The following PI4KA variants were observed in gnomAD, a reference collection of about 807,000 sequenced individuals.
The protein encoded by PI4KA is phosphatidylinositol 4-kinase alpha.
Under a neutral mutation model 271.4 loss-of-function variants are expected in PI4KA, and 122 were observed. The observed-to-expected ratio is 0.45, with a 90% confidence interval of 0.39 to 0.52. The LOEUF (loss-of-function observed/expected upper bound fraction) is 0.52, where lower values mean the gene tolerates loss of function less well. PI4KA is among the 20% of genes least tolerant of loss of function. The pLI is 0.00. For missense variants in PI4KA, 1,969 were observed against 2,769.1 expected (o/e 0.71, Z 6.48); for synonymous variants, 1,041 against 1,078.8 (o/e 0.96, Z 0.69).
At chr22:20,752,130 TG>T (rs1296810474) in intron 25 of PI4KA, among the ~76,000 whole-genome samples, 2 of 152,182 alleles carry the variant, frequency 1.3e-5, no homozygotes, top group Admixed American at 1.3e-4. Flanking sequence ...CCTGACACCC[TG>T]GGGTAAGACA....
chr22:20,712,161 G>A (rs1465183137), intron 50 of PI4KA, among the ~76,000 whole-genome samples: 4 of 151,744 alleles, frequency 2.6e-5, no homozygotes, highest in South Asian at 2.1e-4. Flanking sequence ...GGGTTCAAGC[G>A]ATTCTCCTGC....
chr22:20,711,255 T>A, intron 51 of PI4KA, 86 bp downstream of exon 51: 1 of 868,342 alleles, frequency 1.2e-6, no homozygotes, highest in Non-Finnish European at 1.8e-6. Flanking sequence ...GTCCTGGGCA[T>A]TCTCCTCTCT....
chr22:20,711,064 C>A, intron 51 of PI4KA: 1 of 591,634 alleles, frequency 1.7e-6, no homozygotes, highest in East Asian at 2.9e-5. Context: ...GAGGAAGGAG[C>A]CAAGCTGGGG....
chr22:20,836,490 G>A (rs1924885707), intron 2 of PI4KA, among the ~76,000 whole-genome samples: 1 of 152,228 alleles, frequency 6.6e-6, no homozygotes, highest in African/African-American at 2.4e-5. Context: ...CTCCTGCAGA[G>A]GAAGTGGCTC....
intron 54 of PI4KA, among the ~76,000 whole-genome samples, chr22:20,709,066 ACGAG>A (rs1249688854): frequency 6.7e-6 from 1 of 148,892 alleles, no homozygotes; most frequent in African/African-American, 2.5e-5. Context: ...CTTCGGCCTC[ACGAG>A]CCCTGCCCAG....
chr22:20,844,755 ATTATC>A (rs1926036768), intron 1 of PI4KA, among the ~76,000 whole-genome samples: 2 of 152,186 alleles, frequency 1.3e-5, no homozygotes, highest in Admixed American at 6.5e-5. Flanking sequence ...GTTCATCTAT[ATTATC>A]TTATTTAATC....
intron 19 of PI4KA, chr22:20,779,841 G>T: frequency 6.2e-7 from 1 of 1,614,204 alleles, no homozygotes; most frequent in South Asian, 1.1e-5. Flanking sequence ...CCATGAACAA[G>T]TGCACTCGAT....
intron 23 of PI4KA, among the ~76,000 whole-genome samples, chr22:20,754,009 G>A (rs1472068560): frequency 1.3e-5 from 2 of 151,788 alleles, no homozygotes; most frequent in African/African-American, 2.4e-5. Context: ...TCTGCATCAC[G>A]TAAGTGGTAT....
Position 20,813,410 on chromosome 22 carries a change from G to T in PI4KA, c.953C>A (p.Thr318Lys). The T allele has an allele frequency of 6.2e-7, 1 of 1,613,474 alleles. No homozygotes were observed. The highest frequency in any genetic ancestry group is 8.5e-7 in the Non-Finnish European group (1 of 1,179,456). Reference sequence around the variant, plus strand: ...CAATGGAATGTTAAACTCCTTATATGTGACACCGTTGAAAAGGGGAGAGAC... The same window carrying T: ...CAATGGAATGTTAAACTCCTTATATTTGACACCGTTGAAAAGGGGAGAGAC... ...FSVSPLFNGV[T>K]YKEFNIPLEM... The change falls in exon 8 of 55, where the codon ACA (threonine) becomes AAA (lysine). Residue 318 changes from threonine (T) to lysine (K), a missense_variant. Around this residue, in one of 13 missense-constraint regions of PI4KA, gnomAD observed 540 missense variants for 555.5 expected, o/e 0.97. Coordinates refer to ENST00000255882, the MANE Select transcript of PI4KA (RefSeq NM_058004.4).
chr22:20,719,151 G>C (rs1402921698), intron 43 of PI4KA, among the ~76,000 whole-genome samples: 1 of 151,878 alleles, frequency 6.6e-6, no homozygotes, highest in Admixed American at 6.6e-5. Flanking sequence ...CCTCACTGCT[G>C]CACACGCAGG....
At chr22:20,760,222 A>G (rs1931824765) in intron 23 of PI4KA, among the ~76,000 whole-genome samples, 1 of 152,186 alleles carries the variant, frequency 6.6e-6, no homozygotes, top group South Asian at 2.1e-4. Context: ...AAATTTGTGG[A>G]TTCTCCCCAA....
At chr22:20,837,948 G>GT (rs1003627797) in intron 2 of PI4KA, among the ~76,000 whole-genome samples, 19 of 151,930 alleles carry the variant, frequency 1.3e-4, no homozygotes, top group African/African-American at 4.6e-4. Flanking sequence ...GAGAAACCCC[G>GT]TCTCTACTAA....
chr22:20,786,149 G>C, intron 19 of PI4KA: 1 of 1,613,992 alleles, frequency 6.2e-7, no homozygotes, highest in East Asian at 2.2e-5. Flanking sequence ...CATCGACCTG[G>C]TAACCACTCC....
At chr22:20,712,052 G>T (rs533275465) in intron 50 of PI4KA, among the ~76,000 whole-genome samples, 174 of 144,270 alleles carry the variant, frequency 1.2e-3, no homozygotes, top group African/African-American at 3.5e-3. Flanking sequence ...AGGTGCCCTG[G>T]TTTTTTTGTG....
Position 20,808,804 on chromosome 22 carries a change from G to A in PI4KA, c.1072-1346C>T, listed in dbSNP as rs192002882. The stretch of plus-strand genomic sequence containing the variant: ...AGTGATCCTCCTGCCTCAGCCTCCT[G>A]AGTAGCAGGGACTACAGGCATGTAC... On this transcript the variant is annotated intron_variant, in intron 9 of 54. Transcript: ENST00000255882. 7.3e-3 allele frequency among the ~76,000 whole-genome samples: 1,108 copies of A among 151,822 alleles called. 12 individuals carry two copies. Among genetic ancestry groups the A allele is most frequent in the African/African-American group, 0.025 (1,031 of 41,408 alleles).
At chr22:20,780,593 T>C (rs1933697236) in intron 19 of PI4KA, among the ~76,000 whole-genome samples, 1 of 151,936 alleles carries the variant, frequency 6.6e-6, no homozygotes, top group African/African-American at 2.4e-5. Flanking sequence ...CAGACCAACA[T>C]GGTGAAAACC....
At chr22:20,757,499 C>A (rs1308802153) in intron 23 of PI4KA, among the ~76,000 whole-genome samples, 2 of 151,832 alleles carry the variant, frequency 1.3e-5, no homozygotes, top group African/African-American at 4.8e-5. Context: ...GGATCTGATT[C>A]GGTTTATGAA....
chr22:20,828,702 C>A (rs993067989), intron 3 of PI4KA, among the ~76,000 whole-genome samples: 6 of 151,928 alleles, frequency 3.9e-5, no homozygotes, highest in Non-Finnish European at 8.8e-5. Context: ...CTACAGATGC[C>A]TGCCACCATG....
intron 50 of PI4KA, 66 bp from the exon 51 acceptor site, chr22:20,711,527 A>C: frequency 9.0e-7 from 1 of 1,114,120 alleles, no homozygotes; most frequent in Non-Finnish European, 1.3e-6. Flanking sequence ...CTGGTCCCAC[A>C]CCCAGGATCC....
Sources: gnomAD v4.1 joint callset for allele counts (sites outside exome capture counted in the v4.1 genomes callset) on GRCh38, gnomAD v4.1.1 for gene constraint, gnomAD v4.1.1 regional missense constraint, MANE v1.5 for transcripts, NCBI Gene and HGNC (gene_info 2026-07-23, HGNC 2026-07-21) for gene names.